The following NOL4 variants were observed in gnomAD, a reference collection of about 807,000 sequenced individuals.
NOL4 encodes cancer/testis antigen 125.
In NOL4, 17 loss-of-function variants were observed where a neutral mutation model predicts 75.9. That is an observed-to-expected ratio of 0.22 (90% CI 0.15 to 0.34). The LOEUF (loss-of-function observed/expected upper bound fraction) is 0.34. NOL4 is among the 10% of genes least tolerant of loss of function. The pLI is 1.00. For missense variants in NOL4, 614 were observed against 793.5 expected (o/e 0.77, Z 2.72); for synonymous variants, 292 against 289.9 (o/e 1.01, Z -0.07).
intron 5 of NOL4, among the ~76,000 whole-genome samples, chr18:34,042,969 ATC>A (rs1460296628): frequency 1.3e-5 from 2 of 152,072 alleles, no homozygotes; most frequent in East Asian, 3.9e-4. Context: ...TTTGGACGTA[ATC>A]TCTCTGAGCC....
intron 6 of NOL4, among the ~76,000 whole-genome samples, chr18:34,006,645 C>T (rs890136126): frequency 6.6e-6 from 1 of 152,048 alleles, no homozygotes; most frequent in Non-Finnish European, 1.5e-5. Flanking sequence ...GCATTATCTA[C>T]CTGGGATTTC....
chr18:33,877,851 T>TGTGC (rs775873694), intron 10 of NOL4, among the ~76,000 whole-genome samples: 2,115 of 148,582 alleles, frequency 0.014, 15 homozygotes, highest in Middle Eastern at 0.035. Context: ...TGTGTGTGTG[T>TGTGC]GCGCTATCAT....
intron 10 of NOL4, among the ~76,000 whole-genome samples, chr18:33,867,313 T>C (rs2063480318): frequency 6.6e-6 from 1 of 152,132 alleles, no homozygotes; most frequent in African/African-American, 2.4e-5. Context: ...TTCAAACTCA[T>C]TAGTAAATTT....
intron 6 of NOL4, among the ~76,000 whole-genome samples, chr18:34,015,888 G>A (rs1389647866): frequency 6.6e-6 from 1 of 152,084 alleles, no homozygotes; most frequent in African/African-American, 2.4e-5. Context: ...ATTCTAGAAT[G>A]TTCCTCTATG....
At chr18:33,950,711 C>A (rs1164422376) in intron 8 of NOL4, among the ~76,000 whole-genome samples, 2 of 152,052 alleles carry the variant, frequency 1.3e-5, no homozygotes, top group Non-Finnish European at 2.9e-5. Flanking sequence ...ACAATTTGCA[C>A]ACAGAAGAAA....
chr18:34,223,344 T>G lies in NOL4; in HGVS notation c.-91A>C. The G allele has an allele frequency of 6.6e-7, 1 of 1,523,506 alleles. No homozygotes were observed. The highest frequency in any genetic ancestry group is 2.3e-5 in the East Asian group (1 of 44,110). 94.4% of individuals were successfully genotyped at this position (1,523,506 alleles called of 1,614,324 possible). The stretch of plus-strand genomic sequence containing the variant: ...ATGAAAAATGCAGCCCCGGCCACGT[T>G]GCAGGGATGCGAGGTCCCGGCCGCA... On this transcript the variant is annotated 5_prime_UTR_variant, in exon 1 of 11. Coordinates refer to ENST00000261592, the MANE Select transcript of NOL4 (RefSeq NM_003787.5).
chr18:34,072,348 C>A (rs1240205245), intron 5 of NOL4, among the ~76,000 whole-genome samples: 2 of 152,074 alleles, frequency 1.3e-5, no homozygotes, highest in African/African-American at 4.8e-5. Flanking sequence ...ACAAAATGCA[C>A]CAGAGATATT....
intron 1 of NOL4, among the ~76,000 whole-genome samples, chr18:34,177,309 A>C (rs891563597): frequency 6.6e-6 from 1 of 151,964 alleles, no homozygotes; most frequent in Admixed American, 6.6e-5. Flanking sequence ...ATGGATTACA[A>C]AGAGGCATTA....
chr18:34,002,189 C>T (rs1438741471), intron 6 of NOL4, among the ~76,000 whole-genome samples: 5 of 152,070 alleles, frequency 3.3e-5, no homozygotes. Context: ...TGACAATAGT[C>T]AAATTTATAA....
chr18:34,073,409 C>G (rs1046758103), intron 5 of NOL4, among the ~76,000 whole-genome samples: 1 of 151,924 alleles, frequency 6.6e-6, no homozygotes, highest in Non-Finnish European at 1.5e-5. Flanking sequence ...TGTTCAATCT[C>G]TTATAAAAAA....
intron 6 of NOL4, among the ~76,000 whole-genome samples, chr18:33,989,933 A>T (rs2072792049): frequency 6.6e-6 from 1 of 152,084 alleles, no homozygotes; most frequent in Non-Finnish European, 1.5e-5. Context: ...AATATAAATG[A>T]GTTGATTATT....
At chr18:33,862,997 A>G (rs1390479397) in intron 10 of NOL4, among the ~76,000 whole-genome samples, 1 of 152,218 alleles carries the variant, frequency 6.6e-6, no homozygotes, top group Non-Finnish European at 1.5e-5. Flanking sequence ...CACTGTTCAC[A>G]ATAGCAAAGA....
At chr18:33,903,592 G>A (rs953983802) in intron 9 of NOL4, among the ~76,000 whole-genome samples, 5 of 152,094 alleles carry the variant, frequency 3.3e-5, no homozygotes, top group African/African-American at 1.2e-4. Flanking sequence ...GACAATCAAA[G>A]TAAACTGCTT....
intron 6 of NOL4, among the ~76,000 whole-genome samples, chr18:34,003,005 G>C (rs2073820423): frequency 6.6e-6 from 1 of 152,018 alleles, no homozygotes; most frequent in Non-Finnish European, 1.5e-5. Context: ...TTCAAAAAGA[G>C]GAGTGCCAGG....
chr18:34,181,413 AT>A (rs879734275), intron 1 of NOL4, among the ~76,000 whole-genome samples: 4 of 151,576 alleles, frequency 2.6e-5, no homozygotes, highest in Non-Finnish European at 4.4e-5. Context: ...ATATCCAAAA[AT>A]CAACTCAACA....
chr18:34,111,763 A>C (rs868196036), intron 2 of NOL4, among the ~76,000 whole-genome samples: 51 of 152,232 alleles, frequency 3.4e-4, no homozygotes, highest in African/African-American at 1.2e-3. Context: ...CATCAGAGAA[A>C]TAAAAATGAA....
intron 2 of NOL4, among the ~76,000 whole-genome samples, chr18:34,119,521 T>C (rs1324323172): frequency 6.6e-6 from 1 of 152,208 alleles, no homozygotes. Flanking sequence ...TCTTCTCTGA[T>C]CATGTTCTCC....
chr18:34,195,449 G>T (rs2035257437), intron 1 of NOL4, among the ~76,000 whole-genome samples: 1 of 152,052 alleles, frequency 6.6e-6, no homozygotes. Context: ...TGTAGAAATT[G>T]ATGTAGGGAA....
At chr18:34,102,764 A>C (rs1351138766) in intron 4 of NOL4, among the ~76,000 whole-genome samples, 1 of 151,982 alleles carries the variant, frequency 6.6e-6, no homozygotes, top group Non-Finnish European at 1.5e-5. Context: ...AGACATTTAA[A>C]AATTTTTTTC....
Sources: allele counts gnomAD v4.1 joint callset (sites outside exome capture counted in the v4.1 genomes callset), GRCh38; gene constraint gnomAD v4.1.1; transcripts MANE v1.5; gene names NCBI Gene and HGNC (gene_info 2026-07-23, HGNC 2026-07-21).